Variants in NFKBIA observed in about 807,000 individuals in gnomAD.
NFKBIA encodes the protein NF-kappa-B inhibitor alpha.
In NFKBIA, 10 loss-of-function variants were observed where a neutral mutation model predicts 36.3. That is an observed-to-expected ratio of 0.28 (90% CI 0.17 to 0.47). NFKBIA has a LOEUF of 0.47. Among genes scored for constraint, NFKBIA ranks in the 20% least tolerant of loss-of-function variants. The pLI is 0.99. For synonymous variants in NFKBIA, 205 were observed against 164.4 expected, an observed-to-expected ratio of 1.25 and a Z score of -1.89; for missense variants, 355 against 399.3, an observed-to-expected ratio of 0.89 and a Z score of 0.94.
chr14:35,403,411 C>T, intron 2 of NFKBIA, 51 bp from the exon 3 acceptor site: 1 of 1,586,668 alleles, frequency 6.3e-7, no homozygotes, highest in African/African-American at 1.3e-5. Context: ...CAAACCCACA[C>T]CCCGAGTTCC....
In NFKBIA at chr14:35,404,656, G is replaced by A. The variant is rs764501009; in HGVS notation, c.-12C>T. 44 of 1,460,694 alleles carry A rather than the reference G, an allele frequency of 3.0e-5. No homozygotes were observed. Among genetic ancestry groups the A allele is most frequent in the Non-Finnish European group, 3.7e-5 (41 of 1,102,948 alleles). 90.5% of individuals were successfully genotyped at this position (1,460,694 alleles called of 1,614,324 possible). A position where few individuals can be genotyped will look rare whatever the true frequency, so the allele number is the denominator to read the frequency against. On this transcript the variant is annotated 5_prime_UTR_variant, in exon 1 of 6. Coordinates refer to ENST00000216797, the MANE Select transcript of NFKBIA (RefSeq NM_020529.3). The stretch of plus-strand genomic sequence containing the variant: ...GCCGCCTGGAACATGGCGCGGACGA[G>A]CTGCGGGCGCTGCTGCGGGTGCGCT...
Position 35,403,271 on chromosome 14 carries a change from A to C in NFKBIA, c.426T>G (p.Phe142Leu). The C allele has an allele frequency of 6.2e-7, 1 of 1,613,842 alleles. No individual in the cohort carries two copies. The highest frequency in any genetic ancestry group is 8.5e-7 in the Non-Finnish European group (1 of 1,180,032). ...CAAGGTGTAGGGGGGTATTTCCTCG[A>C]AAGTCTCGGAGCTCAGGATCACAGC... ...GAGCDPELRD[F>L]RGNTPLHLAC... The change falls in exon 3 of 6, where the codon TTT (phenylalanine) becomes TTG (leucine). Residue 142 changes from phenylalanine (F) to leucine (L), a missense_variant. Coordinates refer to ENST00000216797, the MANE Select transcript of NFKBIA (RefSeq NM_020529.3).
Position 35,403,246 on chromosome 14 carries a change from C to T in NFKBIA, c.451G>A (p.Ala151Thr), listed in dbSNP as rs766929321. 18 of 1,613,216 alleles carry T rather than the reference C, an allele frequency of 1.1e-5. No individual in the cohort carries two copies. ...CTGGCCAGGCAGCCCTGCTCACAGGCAAGGTGTAGGGGGGTATTTCCTCGA... is the reference window on the plus strand; with the variant it reads ...CTGGCCAGGCAGCCCTGCTCACAGGTAAGGTGTAGGGGGGTATTTCCTCGA... ...DFRGNTPLHLACEQGCLASVG... is the reference protein window; with the variant it reads ...DFRGNTPLHLTCEQGCLASVG... The change falls in exon 3 of 6, where the codon GCC (alanine) becomes ACC (threonine). Residue 151 changes from alanine to threonine, a missense_variant. By Grantham distance (58) the Ala-to-Thr change is moderately conservative (BLOSUM62 0). Transcript: ENST00000216797.
intron 1 of NFKBIA, 182 bp from the exon 2 acceptor site, chr14:35,403,980 T>A (rs959375865): frequency 3.3e-6 from 2 of 597,236 alleles, no homozygotes; most frequent in Non-Finnish European, 3.0e-6. Flanking sequence ...TCCGCCCCCC[T>A]CCCCCCGCGG....
At chr14:35,403,422 C>A in intron 2 of NFKBIA, 62 bp from the exon 3 acceptor site, 1 of 1,569,576 alleles carries the variant, frequency 6.4e-7, no homozygotes, top group East Asian at 2.3e-5. Context: ...CCCGAGTTCC[C>A]CTCAACCCGT....
At chr14:35,403,935 T>G (rs975131858) in intron 1 of NFKBIA, 137 bp from the exon 2 acceptor site, 2 of 707,770 alleles carry the variant, frequency 2.8e-6, no homozygotes, top group Non-Finnish European at 5.1e-6. Context: ...GAGGTTATTA[T>G]GAGCTGAGTG....
chr14:35,402,197 T>A lies in NFKBIA; in HGVS notation c.907-137A>T, dbSNP rs2052734512. The A allele has an allele frequency of 3.5e-5, 44 of 1,264,580 alleles. 1 individual carries two copies. The South Asian group carries it at 5.0e-4, about 14-fold the overall frequency. 78.3% of individuals were successfully genotyped at this position (1,264,580 alleles called of 1,614,324 possible). On this transcript the variant is annotated intron_variant, in intron 5 of 5. Transcript: ENST00000216797. ...CCCAAATATAATGAACTTTACAGGC[T>A]GAGAGAGTTTGCCTTTAATGCTTCT...
chr14:35,404,350 C>CA, intron 1 of NFKBIA, 68 bp downstream of exon 1: 1 of 1,188,278 alleles, frequency 8.4e-7, no homozygotes, highest in Non-Finnish European at 1.1e-6. Context: ...GGCCCGGCGC[C>CA]TCCCACCCCC....
chr14:35,402,731 A>G, intron 4 of NFKBIA, 40 bp downstream of exon 4: 1 of 1,613,882 alleles, frequency 6.2e-7, no homozygotes, highest in Non-Finnish European at 8.5e-7. Context: ...CATAAGCACG[A>G]GGAGCCTGAC....
chr14:35,404,153 A>G, intron 1 of NFKBIA: 1 of 366,100 alleles, frequency 2.7e-6, no homozygotes, highest in Non-Finnish European at 5.0e-6. Context: ...CCCGGCCTAG[A>G]GGACGGGTCT....
rs778427955 is a variant in NFKBIA, at chr14:35,403,682, CG to C, written c.336+7del. On this transcript the variant is annotated splice_region_variant and intron_variant, in intron 2 of 5. Coordinates refer to ENST00000216797, the MANE Select transcript of NFKBIA (RefSeq NM_020529.3). ...TCAGAGAGAACCCGGGCCAGGCAAG[CG>C]GCGCACCTGCTGCAGGTTGTTCTGG... 6 of 1,602,832 alleles carry C rather than the reference CG, an allele frequency of 3.7e-6. No individual in the cohort carries two copies. The highest frequency in any genetic ancestry group is 5.1e-6 in the Non-Finnish European group (6 of 1,170,704).
chr14:35,403,739 T>A lies in NFKBIA; in HGVS notation c.287A>T (p.Gln96Leu). ...GAGGAAGGCCAGGTCTCCCTTCACCTGGCGGATCACTTCCATGGTCAGTGC... is the reference window on the plus strand; with the variant it reads ...GAGGAAGGCCAGGTCTCCCTTCACCAGGCGGATCACTTCCATGGTCAGTGC... Reference protein sequence around the residue: ...EKALTMEVIRQVKGDLAFLNF... With the variant: ...EKALTMEVIRLVKGDLAFLNF... Residue 96 changes from glutamine to leucine, a missense_variant, in exon 2 of 6, where the codon CAG (glutamine) becomes CTG (leucine). Coordinates refer to ENST00000216797, the MANE Select transcript of NFKBIA (RefSeq NM_020529.3). 6.2e-7 allele frequency: 1 copy of A among 1,614,042 alleles called. No homozygotes were observed. The highest frequency in any genetic ancestry group is 2.2e-5 in the East Asian group (1 of 44,864).
In NFKBIA at chr14:35,403,801, G is replaced by A. The variant is rs374251732; in HGVS notation, c.228-3C>T. On this transcript the variant is annotated splice_region_variant and splice_polypyrimidine_tract_variant and intron_variant, in intron 1 of 5. Transcript: ENST00000216797. ...GGATGATGGCCAAGTGCAGGAACCT[G>A]TGGGGAAGAGAGGGAAAAACCCCAG... 40 of 1,610,414 alleles carry A rather than the reference G, an allele frequency of 2.5e-5. No individual in the cohort carries two copies. The highest frequency in any genetic ancestry group is 3.1e-5 in the Non-Finnish European group (36 of 1,177,568).
At position 35,402,560 on chromosome 14, in the gene NFKBIA, G is replaced by A. The variant is rs2052739638; in HGVS notation, c.740C>T (p.Thr247Ile). 1 of 1,614,250 alleles carries A rather than the reference G, an allele frequency of 6.2e-7. No homozygotes were observed. The highest frequency in any genetic ancestry group is 8.5e-7 in the Non-Finnish European group (1 of 1,180,044). ...LKCGADVNRV[T>I]YQGYSPYQLT... ...CTGGTAGGGAGAATAGCCCTGGTAG[G>A]TAACTCTGTTGACATCAGCCCCACA... The change falls in exon 5 of 6, where the codon ACC (threonine) becomes ATC (isoleucine). Residue 247 changes from threonine to isoleucine, a missense_variant. Transcript: ENST00000216797.
rs1319222991 is a variant in NFKBIA, at chr14:35,402,487, C to A, written c.813G>T (p.Gln271His). 2 of 1,614,214 alleles carry A rather than the reference C, an allele frequency of 1.2e-6. No homozygotes were observed. Among genetic ancestry groups the A allele is most frequent in the Non-Finnish European group, 1.7e-6 (2 of 1,180,042 alleles). ...GCATCTGAAGGTTTTCTAGTGTCAG[C>A]TGGCCCAGCTGCTGCTGTATCCGGG... ...PSTRIQQQLG[Q>H]LTLENLQMLP... is the part of the protein sequence containing the mutation. The change falls in exon 5 of 6, where the codon CAG (glutamine) becomes CAT (histidine). Residue 271 changes from glutamine to histidine, a missense_variant. Gln to His is a conservative substitution (Grantham distance 24). Coordinates refer to ENST00000216797, the MANE Select transcript of NFKBIA (RefSeq NM_020529.3).
rs1317354858 is a variant in NFKBIA, at chr14:35,404,662, G to GGCGCTGCTGCGGGT, written c.-32_-19dup. The GGCGCTGCTGCGGGT allele has an allele frequency of 1.4e-6, 2 of 1,456,662 alleles. No homozygotes were observed. The highest frequency in any genetic ancestry group is 3.0e-5 in the East Asian group (1 of 33,364). The allele number at this position is 1,456,662 out of a possible 1,614,324, so 90.2% of individuals were successfully genotyped here. On this transcript the variant is annotated 5_prime_UTR_variant, in exon 1 of 6. Coordinates refer to ENST00000216797, the MANE Select transcript of NFKBIA (RefSeq NM_020529.3). The stretch of plus-strand genomic sequence containing the variant: ...TGGAACATGGCGCGGACGAGCTGCG[G>GGCGCTGCTGCGGGT]GCGCTGCTGCGGGTGCGCTGGGCCG...
At chr14:35,404,007 C>G (rs1384041081) in intron 1 of NFKBIA, 9 of 584,956 alleles carry the variant, frequency 1.5e-5, no homozygotes, top group African/African-American at 1.9e-5. Context: ...CGGGCGCCGG[C>G]CAGACCGCCC....
intron 1 of NFKBIA, 147 bp from the exon 2 acceptor site, chr14:35,403,945 G>T: frequency 1.5e-6 from 1 of 687,358 alleles, no homozygotes; most frequent in Non-Finnish European, 2.6e-6. Flanking sequence ...TGAGCTGAGT[G>T]TTCCTGGCAG....
intron 3 of NFKBIA, 45 bp downstream of exon 3, chr14:35,403,105 A>ACCTGCCCT (rs1015703821): frequency 6.3e-7 from 1 of 1,587,070 alleles, no homozygotes; most frequent in African/African-American, 1.3e-5. Flanking sequence ...TCTCCACGTC[A>ACCTGCCCT]CCTGCCCTCC....
Sources: gnomAD v4.1 joint callset for allele counts on GRCh38, gnomAD v4.1.1 for gene constraint, MANE v1.5 for transcripts, NCBI Gene and HGNC (gene_info 2026-07-23, HGNC 2026-07-21) for gene names.